The following GRM7 variants were observed in gnomAD, a reference collection of about 807,000 sequenced individuals.
GRM7 encodes glutamate metabotropic receptor 7.
GRM7 carries 35 observed loss-of-function variants against 84.5 expected under a neutral mutation model. That is an observed-to-expected ratio of 0.41 (90% CI 0.32 to 0.55). GRM7 has a LOEUF of 0.55. Among genes scored for constraint, GRM7 ranks in the 20% least tolerant of loss-of-function variants. The probability of loss-of-function intolerance (pLI) is 0.19; values close to 1 mark genes in which losing one functional copy is unlikely to be tolerated. For synonymous variants in GRM7, 487 were observed against 455.1 expected, an observed-to-expected ratio of 1.07 and a Z score of -0.89; for missense variants, 1,003 against 1,194.6, an observed-to-expected ratio of 0.84 and a Z score of 2.36.
intron 1 of GRM7, among the ~76,000 whole-genome samples, chr3:6,882,895 T>C (rs1034173907): frequency 1.3e-5 from 2 of 152,244 alleles, no homozygotes; most frequent in African/African-American, 2.4e-5. Flanking sequence ...AAAAACATCT[T>C]TGTGCATATG....
chr3:7,471,678 A>T (rs758416954), intron 7 of GRM7, among the ~76,000 whole-genome samples: 2 of 152,186 alleles, frequency 1.3e-5, no homozygotes, highest in African/African-American at 2.4e-5. Context: ...ACTTTGAGGT[A>T]GGTAACCGTA....
chr3:7,616,776 C>T (rs1697100726), intron 8 of GRM7, among the ~76,000 whole-genome samples: 1 of 152,052 alleles, frequency 6.6e-6, no homozygotes, highest in Non-Finnish European at 1.5e-5. Context: ...GAAACTCCAC[C>T]TCAGATAATA....
chr3:7,677,287 A>C (rs1016379612), intron 8 of GRM7, among the ~76,000 whole-genome samples: 4 of 145,954 alleles, frequency 2.7e-5, no homozygotes, highest in Non-Finnish European at 6.1e-5. Context: ...AAAAAAAAAA[A>C]AAAAAAACTT....
At chr3:7,066,334 CAG>C (rs1697661048) in intron 1 of GRM7, among the ~76,000 whole-genome samples, 1 of 151,710 alleles carries the variant, frequency 6.6e-6, no homozygotes, top group South Asian at 2.1e-4. Context: ...AGAAATGAAA[CAG>C]GAGATATTAC....
intron 4 of GRM7, among the ~76,000 whole-genome samples, chr3:7,386,854 A>C (rs1042860964): frequency 6.6e-6 from 1 of 152,196 alleles, no homozygotes; most frequent in Non-Finnish European, 1.5e-5. Flanking sequence ...GCTACTTTCC[A>C]CAGTGGCTGA....
intron 1 of GRM7, among the ~76,000 whole-genome samples, chr3:6,924,604 T>C (rs912010488): frequency 4.6e-5 from 7 of 152,172 alleles, no homozygotes; most frequent in Non-Finnish European, 8.8e-5. Context: ...AAAGTGGATG[T>C]TGTCACAGGG....
At chr3:7,543,778 G>A (rs1693011185) in intron 7 of GRM7, among the ~76,000 whole-genome samples, 1 of 152,206 alleles carries the variant, frequency 6.6e-6, no homozygotes, top group Non-Finnish European at 1.5e-5. Flanking sequence ...TAGCCATGGT[G>A]AGCGCTTGCC....
At chr3:7,197,196 C>A (rs557469295) in intron 2 of GRM7, among the ~76,000 whole-genome samples, 1 of 152,284 alleles carries the variant, frequency 6.6e-6, no homozygotes, top group Non-Finnish European at 1.5e-5. Context: ...CTGGAAACCA[C>A]TTATATTAGC....
intron 9 of GRM7, among the ~76,000 whole-genome samples, chr3:7,724,103 G>T (rs192288305): frequency 2.6e-5 from 4 of 152,160 alleles, no homozygotes; most frequent in Admixed American, 1.3e-4. Context: ...ATATGTCTGG[G>T]CACAGGCTGT....
intron 5 of GRM7, among the ~76,000 whole-genome samples, chr3:7,424,495 T>G (rs1011480946): frequency 3.3e-5 from 5 of 152,158 alleles, no homozygotes; most frequent in Non-Finnish European, 5.9e-5. Context: ...CCTTGTGAGA[T>G]AGTCAGGGTA....
rs1003699188 is a variant in GRM7, at chr3:7,364,118, C to G, written c.1034-50905C>G. ...AAGAAAGGTGTATTAAAATGTTCTA[C>G]CTTGATTATGTTTGTTTTTTGTTTT... On this transcript the variant is annotated intron_variant, in intron 4 of 9. Transcript: ENST00000357716. 3.0e-4 allele frequency among the ~76,000 whole-genome samples: 45 copies of G among 151,888 alleles called. 1 individual carries two copies. The highest frequency in any genetic ancestry group is 1.1e-3 in the African/African-American group (44 of 41,504).
chr3:7,729,656 G>A (rs1033092142), intron 9 of GRM7, among the ~76,000 whole-genome samples: 1 of 152,134 alleles, frequency 6.6e-6, no homozygotes, highest in Non-Finnish European at 1.5e-5. Context: ...AGTGTTTGTG[G>A]TGATTTTATA....
At chr3:7,454,804 A>G (rs530136859) in intron 6 of GRM7, among the ~76,000 whole-genome samples, 15 of 152,184 alleles carry the variant, frequency 9.9e-5, no homozygotes, top group Admixed American at 2.6e-4. Context: ...GGGTAAATAT[A>G]GAAGTAAATT....
intron 1 of GRM7, among the ~76,000 whole-genome samples, chr3:7,063,323 T>C (rs901897131): frequency 6.6e-6 from 1 of 151,730 alleles, no homozygotes; most frequent in Non-Finnish European, 1.5e-5. Flanking sequence ...ATTTTCACTC[T>C]GTGTAGAATT....
At chr3:7,236,754 A>C (rs2124911115) in intron 2 of GRM7, among the ~76,000 whole-genome samples, 1 of 152,314 alleles carries the variant, frequency 6.6e-6, no homozygotes, top group South Asian at 2.1e-4. Context: ...CAGAGCACTC[A>C]GCTCTCAGTT....
At chr3:7,590,215 C>G (rs1294357349) in intron 8 of GRM7, among the ~76,000 whole-genome samples, 1 of 152,192 alleles carries the variant, frequency 6.6e-6, no homozygotes, top group Non-Finnish European at 1.5e-5. Flanking sequence ...AACCTTCCAG[C>G]AGCTTCTCAT....
chr3:6,945,837 G>GT (rs1698057904), intron 1 of GRM7, among the ~76,000 whole-genome samples: 2 of 152,264 alleles, frequency 1.3e-5, no homozygotes, highest in African/African-American at 2.4e-5. Flanking sequence ...TTTTTCATGT[G>GT]TTTTTTGGCT....
At chr3:6,870,116 A>G (rs551716954) in intron 1 of GRM7, among the ~76,000 whole-genome samples, 2 of 151,922 alleles carry the variant, frequency 1.3e-5, no homozygotes, top group South Asian at 2.1e-4. Context: ...GTGAAAACAG[A>G]TGGATGTTAT....
Position 7,178,025 on chromosome 3 carries a change from T to C in GRM7, c.736+31357T>C, listed in dbSNP as rs77072805. Among the ~76,000 whole-genome samples the C allele has an allele frequency of 8.3e-3, 1,258 of 152,352 alleles. 19 individuals carry two copies. The highest frequency in any genetic ancestry group is 0.027 in the African/African-American group (1,106 of 41,580). ...TTCTTCTTGCTTTTGCTCAGATTTG[T>C]TGATTAATTGACTTTTGTATCAGCA... On this transcript the variant is annotated intron_variant, in intron 2 of 9. Coordinates refer to ENST00000357716, the MANE Select transcript of GRM7 (RefSeq NM_000844.4).
Sources: gnomAD v4.1 joint callset for allele counts (sites outside exome capture counted in the v4.1 genomes callset) on GRCh38, gnomAD v4.1.1 for gene constraint, MANE v1.5 for transcripts, NCBI Gene and HGNC (gene_info 2026-07-23, HGNC 2026-07-21) for gene names.